The following G3BP1 variants were observed in gnomAD, a reference collection of about 807,000 sequenced individuals.
G3BP1 encodes ras GTPase-activating protein-binding protein 1.
A neutral mutation model predicts 58.6 loss-of-function variants in G3BP1; 35 were observed. The observed-to-expected ratio is 0.60, with a 90% CI of 0.46 to 0.79. The LOEUF (loss-of-function observed/expected upper bound fraction) is 0.79, where lower values mean the gene tolerates loss of function less well. Among genes scored for constraint, G3BP1 ranks in the 30% least tolerant of loss-of-function variants. G3BP1 has a pLI of 0.00. For missense variants in G3BP1, 523 were observed against 580.8 expected (o/e 0.90, Z 1.02); for synonymous variants, 191 against 195.4 (o/e 0.98, Z 0.19).
At chr5:151,781,256 A>T (rs887226575) in intron 1 of G3BP1, among the ~76,000 whole-genome samples, 1 of 152,234 alleles carries the variant, frequency 6.6e-6, no homozygotes, top group African/African-American at 2.4e-5. Context: ...CACCATTTGC[A>T]GTCAAGAGAA....
At position 151,797,517 on chromosome 5, in the gene G3BP1, T is replaced by TG; in HGVS notation, c.741+90dup. On this transcript the variant is annotated intron_variant, in intron 7 of 11. Transcript: ENST00000356245. ...CTTTTGTATTGCTGTTTGGTTGACTTGTAGATACATTTTCATATTGGTGGT... is the reference window on the plus strand; with the variant it reads ...CTTTTGTATTGCTGTTTGGTTGACTTGGTAGATACATTTTCATATTGGTGGT... 14 of 1,362,484 alleles carry TG rather than the reference T, an allele frequency of 1.0e-5. No individual in the cohort carries two copies. The South Asian group carries it at 2.0e-4, about 20-fold the overall frequency. 84.4% of individuals were successfully genotyped at this position (1,362,484 alleles called of 1,614,324 possible).
rs752874627 is a variant in G3BP1, at chr5:151,799,276, G to A, written c.806G>A (p.Gly269Glu). Residue 269 changes from glycine to glutamate, a missense_variant, in exon 8 of 12, where the codon GGG becomes GAG. Around this residue, in one of 2 missense-constraint regions of G3BP1, gnomAD observed 398 missense variants for 399.1 expected, o/e 1.00. Transcript: ENST00000356245. ...LPPSGAVPVT[G>E]IPPHVVKVPA... ...CCCAGTGGAGCTGTTCCAGTTACTG[G>A]GATACCACCTCATGTTGTTAAAGTA... is the stretch of plus-strand genomic sequence containing the variant. The A allele has an allele frequency of 6.2e-7, 1 of 1,600,172 alleles. No homozygotes were observed. The highest frequency in any genetic ancestry group is 2.2e-5 in the East Asian group (1 of 44,802).
chr5:151,790,989 A>G lies in G3BP1; in HGVS notation c.278A>G (p.Gln93Arg). 6.2e-7 allele frequency: 1 copy of G among 1,613,420 alleles called. No homozygotes were observed. The highest frequency in any genetic ancestry group is 8.5e-7 in the Non-Finnish European group (1 of 1,179,544). The change falls in exon 4 of 12, where the codon CAG becomes CGG. Residue 93 changes from glutamine (Q) to arginine (R), a missense_variant. Gln to Arg is a conservative substitution (Grantham distance 43). Around this residue, in one of 2 missense-constraint regions of G3BP1, gnomAD observed 398 missense variants for 399.1 expected, o/e 1.00. Transcript: ENST00000356245. ...ACGCTAAATGATGGTGTGGTAGTCC[A>G]GGTGATGGGGCTTCTCTCTAACAAC... The part of the protein sequence containing the change: ...HATLNDGVVV[Q>R]VMGLLSNNNQ...
intron 4 of G3BP1, among the ~76,000 whole-genome samples, chr5:151,792,963 T>G (rs1258184639): frequency 6.6e-6 from 1 of 152,052 alleles, no homozygotes; most frequent in Non-Finnish European, 1.5e-5. Flanking sequence ...ACTGAATAAC[T>G]CATAATATAT....
At chr5:151,792,436 T>A (rs1762675004) in intron 4 of G3BP1, among the ~76,000 whole-genome samples, 1 of 152,228 alleles carries the variant, frequency 6.6e-6, no homozygotes. Flanking sequence ...AATGTAAAGA[T>A]GTGGTAGACT....
chr5:151,785,547 C>T (rs1359728202), intron 1 of G3BP1, among the ~76,000 whole-genome samples: 2 of 152,010 alleles, frequency 1.3e-5, no homozygotes, highest in Admixed American at 6.6e-5. Context: ...TATCTCTTCC[C>T]CCGTGAATGA....
intron 1 of G3BP1, among the ~76,000 whole-genome samples, chr5:151,782,797 T>C (rs191850221): frequency 6.6e-6 from 1 of 151,746 alleles, no homozygotes; most frequent in East Asian, 1.9e-4. Flanking sequence ...TCATAAAATA[T>C]CTGTCACAGT....
At chr5:151,791,206 T>C (rs1403648094) in intron 4 of G3BP1, 144 bp downstream of exon 4, 3 of 656,892 alleles carry the variant, frequency 4.6e-6, no homozygotes, top group Non-Finnish European at 8.2e-6. Flanking sequence ...ATATACTCCT[T>C]ACCTAGAGCA....
Position 151,790,313 on chromosome 5 carries a change from CATTTTACAG to C in G3BP1, c.96-3_101del. 6.9e-7 allele frequency: 1 copy of C among 1,446,130 alleles called. No individual in the cohort carries two copies. Among genetic ancestry groups the C allele is most frequent in the Non-Finnish European group, 9.5e-7 (1 of 1,051,210 alleles). 89.6% of individuals were successfully genotyped at this position (1,446,130 alleles called of 1,614,324 possible). ...GAAGATGACAAGTAAATCATCTTCC[CATTTTACAG>C]ATTTTATGGAAAGAACTCTTCTTAT... On this transcript the variant is annotated splice_acceptor_variant and splice_polypyrimidine_tract_variant and intron_variant, in intron 2 of 11. Coordinates refer to ENST00000356245, the MANE Select transcript of G3BP1 (RefSeq NM_005754.3). LOFTEE classifies it high-confidence loss of function.
chr5:151,800,628 C>T (rs1581583269), intron 10 of G3BP1, 132 bp from the exon 11 acceptor site: 1 of 657,748 alleles, frequency 1.5e-6, no homozygotes, highest in East Asian at 2.7e-5. Context: ...CATCTCAATT[C>T]AGACTAGCTA....
rs980935035 is a variant in G3BP1 at position 151,805,727 on chromosome 5, G to A, written c.*1636G>A. 6.6e-6 allele frequency: 1 copy of A among 152,066 alleles called. No homozygotes were observed. The highest frequency in any genetic ancestry group is 2.4e-5 in the African/African-American group (1 of 41,388). 9.4% of individuals were successfully genotyped at this position (152,066 alleles called of 1,614,324 possible). On this transcript the variant is annotated 3_prime_UTR_variant, in exon 12 of 12. Transcript: ENST00000356245. ...ACTGAATCACATGGCTTTTTTGTAG[G>A]GTTAAAGTAACTTTGGTAACCACTT...
Position 151,808,405 on chromosome 5 carries a change from A to G in G3BP1, c.*4314A>G, listed in dbSNP as rs1762967972. On this transcript the variant is annotated 3_prime_UTR_variant, in exon 12 of 12. Transcript: ENST00000356245. ...GTAAAAAGATGATTACAGATTACCT[A>G]AAACCCTTAACCAGTTTTGGTTTTT... 6.6e-6 allele frequency: 1 copy of G among 152,244 alleles called. No homozygotes were observed. The allele number at this position is 152,244 out of a possible 1,614,324, so 9.4% of individuals were successfully genotyped here.
chr5:151,797,982 G>T (rs1744929330), intron 7 of G3BP1, among the ~76,000 whole-genome samples: 1 of 152,104 alleles, frequency 6.6e-6, no homozygotes, highest in African/African-American at 2.4e-5. Flanking sequence ...CTTTGCATTT[G>T]GTGCTCTGGA....
At chr5:151,803,599 TCTC>T (rs1440670629) in intron 11 of G3BP1, among the ~76,000 whole-genome samples, 1 of 151,994 alleles carries the variant, frequency 6.6e-6, no homozygotes, top group African/African-American at 2.4e-5. Flanking sequence ...TTCAAGCAAT[TCTC>T]CTGCCTCAGC....
chr5:151,792,608 T>C lies in G3BP1; in HGVS notation c.351+1546T>C, dbSNP rs373790017. On this transcript the variant is annotated intron_variant, in intron 4 of 11. Coordinates refer to ENST00000356245, the MANE Select transcript of G3BP1 (RefSeq NM_005754.3). ...ATTGAGGTATATGTTGATATCTTTC[T>C]TTTTTGTTTTTTGAGAGAAGAGTCT... Among the ~76,000 whole-genome samples, 31 of 152,340 alleles carry C rather than the reference T, an allele frequency of 2.0e-4. 1 individual carries two copies. The highest frequency in any genetic ancestry group is 7.2e-4 in the African/African-American group (30 of 41,578).
intron 1 of G3BP1, 133 bp downstream of exon 1, chr5:151,772,169 A>G (rs1328174503): frequency 6.8e-6 from 1 of 147,274 alleles, no homozygotes; most frequent in Admixed American, 6.7e-5. Context: ...CCCCACCCCA[A>G]CGGCCGCAGG....
chr5:151,790,542 C>G (rs1366148485), intron 3 of G3BP1, 138 bp downstream of exon 3: 6 of 503,208 alleles, frequency 1.2e-5, no homozygotes, highest in Non-Finnish European at 1.8e-5. Flanking sequence ...TGTTTTATTA[C>G]TATTTGATTA....
chr5:151,778,705 G>C (rs1384352190), intron 1 of G3BP1, among the ~76,000 whole-genome samples: 6 of 151,428 alleles, frequency 4.0e-5, no homozygotes, highest in African/African-American at 9.7e-5. Context: ...GCCTCCCAAA[G>C]TGCTGGGATT....
At chr5:151,794,639 C>T (rs1360914385) in intron 5 of G3BP1, among the ~76,000 whole-genome samples, 1 of 152,202 alleles carries the variant, frequency 6.6e-6, no homozygotes, top group East Asian at 1.9e-4. Context: ...GTAAACATGA[C>T]TACTCTTTGT....
Sources: allele counts gnomAD v4.1 joint callset (sites outside exome capture counted in the v4.1 genomes callset), GRCh38; gene constraint gnomAD v4.1.1; regional missense constraint gnomAD v4.1.1; transcripts MANE v1.5; gene names NCBI Gene and HGNC (gene_info 2026-07-23, HGNC 2026-07-21).